PDE4D: variants seen among roughly 807,000 people sequenced by gnomAD.
PDE4D encodes 3',5'-cyclic-AMP phosphodiesterase 4D.
PDE4D carries 24 observed loss-of-function variants against 87.4 expected under a neutral mutation model. That is an observed-to-expected ratio of 0.27 (90% CI 0.20 to 0.39). The LOEUF is 0.39. Among genes scored for constraint, PDE4D ranks in the 10% least tolerant of loss-of-function variants. PDE4D has a pLI of 1.00. For synonymous variants in PDE4D, 384 were observed against 383.2 expected, an observed-to-expected ratio of 1.00 and a Z score of -0.02; for missense variants, 714 against 1,041.0, an observed-to-expected ratio of 0.69 and a Z score of 4.32.
chr5:59,304,915 C>T (rs115655693), intron 1 of PDE4D, among the ~76,000 whole-genome samples: 10,557 of 152,006 alleles, frequency 0.069, 484 homozygotes, highest in South Asian at 0.13. Flanking sequence ...CTTCATAGAA[C>T]GAATTAGGGA....
intron 1 of PDE4D, among the ~76,000 whole-genome samples, chr5:60,208,817 T>A (rs114184449): frequency 3.4e-3 from 517 of 152,270 alleles, no homozygotes; most frequent in Middle Eastern, 0.02. Flanking sequence ...TGAGAACCGT[T>A]ATCCTAGACC....
At chr5:59,739,632 G>A (rs570715236) in intron 1 of PDE4D, among the ~76,000 whole-genome samples, 1 of 152,260 alleles carries the variant, frequency 6.6e-6, no homozygotes, top group East Asian at 1.9e-4. Flanking sequence ...AGATGGTGCA[G>A]TGATACAGCG....
chr5:59,951,798 G>A (rs906431965), intron 3 of PDE4D, among the ~76,000 whole-genome samples: 25 of 152,084 alleles, frequency 1.6e-4, no homozygotes, highest in African/African-American at 5.8e-4. Context: ...ACAACCCAGT[G>A]GGATGTTTCC....
intron 2 of PDE4D, among the ~76,000 whole-genome samples, chr5:59,991,113 C>A (rs1582075858): frequency 6.6e-6 from 1 of 152,098 alleles, no homozygotes; most frequent in South Asian, 2.1e-4. Flanking sequence ...GAGATGAGAG[C>A]AGCCCTACAT....
At chr5:60,125,272 C>T (rs906589017) in intron 2 of PDE4D, among the ~76,000 whole-genome samples, 1 of 152,154 alleles carries the variant, frequency 6.6e-6, no homozygotes, top group Non-Finnish European at 1.5e-5. Flanking sequence ...GTTTCTCAGA[C>T]CAGAATTTAT....
At chr5:59,249,922 T>A (rs1473084586) in intron 1 of PDE4D, among the ~76,000 whole-genome samples, 1 of 152,024 alleles carries the variant, frequency 6.6e-6, no homozygotes, top group Non-Finnish European at 1.5e-5. Context: ...AGTGGTGCAA[T>A]CATGGCTCAC....
chr5:60,389,458 C>A (rs191910157), intron 1 of PDE4D, among the ~76,000 whole-genome samples: 1 of 152,292 alleles, frequency 6.6e-6, no homozygotes, highest in South Asian at 2.1e-4. Flanking sequence ...CCTGGTATTT[C>A]TCTTTCCTAG....
intron 1 of PDE4D, among the ~76,000 whole-genome samples, chr5:59,394,971 G>A (rs1243488875): frequency 6.6e-6 from 1 of 152,122 alleles, no homozygotes; most frequent in Non-Finnish European, 1.5e-5. Flanking sequence ...AGGGGTGACG[G>A]ATGGCACCTG....
At chr5:59,584,268 C>A (rs1210589991) in intron 1 of PDE4D, among the ~76,000 whole-genome samples, 2 of 152,176 alleles carry the variant, frequency 1.3e-5, no homozygotes, top group African/African-American at 4.8e-5. Context: ...AAGTCAAGAA[C>A]CAAGCACAAA....
chr5:59,675,351 G>T (rs1481152987), intron 1 of PDE4D, among the ~76,000 whole-genome samples: 1 of 152,138 alleles, frequency 6.6e-6, no homozygotes, highest in Non-Finnish European at 1.5e-5. Flanking sequence ...TTGTCCCTAA[G>T]CTAATTAAGT....
intron 2 of PDE4D, among the ~76,000 whole-genome samples, chr5:60,167,872 C>T (rs1368274923): frequency 6.6e-6 from 1 of 152,144 alleles, no homozygotes; most frequent in Non-Finnish European, 1.5e-5. Flanking sequence ...TCATGTTTCC[C>T]TGATTATATC....
intron 1 of PDE4D, among the ~76,000 whole-genome samples, chr5:59,870,313 T>C (rs545926511): frequency 6.6e-6 from 1 of 152,326 alleles, no homozygotes; most frequent in Admixed American, 6.5e-5. Context: ...TCATACCAAA[T>C]CAACTTAAAT....
intron 1 of PDE4D, among the ~76,000 whole-genome samples, chr5:59,299,677 A>T (rs1187876483): frequency 6.6e-6 from 1 of 152,196 alleles, no homozygotes; most frequent in Non-Finnish European, 1.5e-5. Context: ...TCATTTTAGT[A>T]AATTGCCAAG....
chr5:60,058,989 A>G (rs1771092366), intron 2 of PDE4D, among the ~76,000 whole-genome samples: 2 of 151,638 alleles, frequency 1.3e-5, no homozygotes. Flanking sequence ...TCAGGAAACT[A>G]GAAACATCAA....
At chr5:60,404,832 G>C (rs1181604041) in intron 1 of PDE4D, among the ~76,000 whole-genome samples, 1 of 152,206 alleles carries the variant, frequency 6.6e-6, no homozygotes. Context: ...AGACCAGTTT[G>C]CCTGTAATAT....
chr5:60,122,332 C>T (rs1469733629), intron 2 of PDE4D, among the ~76,000 whole-genome samples: 1 of 152,266 alleles, frequency 6.6e-6, no homozygotes, highest in Non-Finnish European at 1.5e-5. Flanking sequence ...CCCTTCCACA[C>T]TTCCCTAGCA....
intron 1 of PDE4D, among the ~76,000 whole-genome samples, chr5:59,247,921 A>T (rs951908468): frequency 6.6e-6 from 1 of 151,310 alleles, no homozygotes; most frequent in Non-Finnish European, 1.5e-5. Context: ...GCCTTCCAAC[A>T]TAGGCTTAAG....
At chr5:59,131,266 C>CTAGA (rs1776212753) in intron 5 of PDE4D, among the ~76,000 whole-genome samples, 1 of 152,110 alleles carries the variant, frequency 6.6e-6, no homozygotes, top group African/African-American at 2.4e-5. Flanking sequence ...CTTTCCCCTA[C>CTAGA]TAGAGTATAA....
intron 2 of PDE4D, among the ~76,000 whole-genome samples, chr5:60,103,162 A>C (rs1198802525): frequency 1.3e-5 from 2 of 152,190 alleles, no homozygotes; most frequent in African/African-American, 4.8e-5. Flanking sequence ...CAGAAGAATA[A>C]ATGCAGTCAG....
Sources: allele counts gnomAD v4.1 joint callset (sites outside exome capture counted in the v4.1 genomes callset), GRCh38; gene constraint gnomAD v4.1.1; transcripts MANE v1.5; gene names NCBI Gene and HGNC (gene_info 2026-07-23, HGNC 2026-07-21).